Variants in MUC7 observed in about 807,000 individuals in gnomAD.
The protein encoded by MUC7 is mucin 7, secreted.
MUC7 carries 2 observed loss-of-function variants against 2.5 expected under a neutral mutation model. The observed-to-expected ratio is 0.81, with a 90% CI of 0.33 to 2.55. MUC7 has a LOEUF of 2.55. MUC7 is among the 30% of genes most tolerant of loss of function. The probability of loss-of-function intolerance (pLI) is 0.11; values close to 1 mark genes in which losing one functional copy is unlikely to be tolerated. For synonymous variants in MUC7, 133 were observed against 173.4 expected (o/e 0.77, Z 1.83); for missense variants, 408 against 455.6 (o/e 0.90, Z 0.95).
At chr4:70,462,218 A>G (rs979323299) in intron 1 of MUC7, among the ~76,000 whole-genome samples, 5 of 22,814 alleles carry the variant, frequency 2.2e-4, no homozygotes, top group African/African-American at 6.3e-4. Flanking sequence ...TCTTAAAAAA[A>G]AAGAAAGAGA....
At chr4:70,469,160 G>T (rs1390338131), upstream of MUC7, among the ~76,000 whole-genome samples, 1 of 152,302 alleles carries the variant, frequency 6.6e-6, no homozygotes, top group Non-Finnish European at 1.5e-5. Flanking sequence ...ATGGCAAAAG[G>T]ATTCCCTATG....
intron 2 of MUC7, among the ~76,000 whole-genome samples, chr4:70,480,385 G>A (rs1286533953): frequency 6.6e-6 from 1 of 152,136 alleles, no homozygotes; most frequent in Admixed American, 6.5e-5. Flanking sequence ...ATCTAGAAAG[G>A]GCTCCTGGAT....
intron 2 of MUC7, among the ~76,000 whole-genome samples, chr4:70,478,384 G>A (rs1735067948): frequency 6.6e-6 from 1 of 152,198 alleles, no homozygotes; most frequent in Non-Finnish European, 1.5e-5. Flanking sequence ...GAATCAAAGA[G>A]GGGCCTTCGT....
chr4:70,437,601 G>A (rs1041216399), intron 1 of MUC7, among the ~76,000 whole-genome samples: 1 of 152,188 alleles, frequency 6.6e-6, no homozygotes, highest in Non-Finnish European at 1.5e-5. Flanking sequence ...GTGCAGGAGT[G>A]TACTGTTCCT....
At chr4:70,457,603 G>A (rs6823679) in intron 1 of MUC7, among the ~76,000 whole-genome samples, 14,110 of 151,740 alleles carry the variant, frequency 0.093, 851 homozygotes, top group African/African-American at 0.16. Flanking sequence ...AAAGAGAAGA[G>A]GAACCCAAAT....
At chr4:70,460,276 G>T (rs1403284802) in intron 1 of MUC7, among the ~76,000 whole-genome samples, 1 of 152,074 alleles carries the variant, frequency 6.6e-6, no homozygotes, top group Non-Finnish European at 1.5e-5. Flanking sequence ...AATTATCAAA[G>T]CTCAGAATGG....
intron 1 of MUC7, among the ~76,000 whole-genome samples, chr4:70,450,531 C>T (rs1734254639): frequency 6.6e-6 from 1 of 152,128 alleles, no homozygotes; most frequent in South Asian, 2.1e-4. Flanking sequence ...GCCTGATAGC[C>T]ACCACAGCAG....
chr4:70,471,503 T>C (rs1014380927), upstream of MUC7, among the ~76,000 whole-genome samples: 10 of 152,280 alleles, frequency 6.6e-5, no homozygotes, highest in African/African-American at 1.7e-4. Context: ...TAGAGAGAAA[T>C]GCTGAAATAG....
rs148815649 is a variant in MUC7, at chr4:70,482,298, G to A, written c.*420G>A. On this transcript the variant is annotated 3_prime_UTR_variant, in exon 3 of 3. Transcript: ENST00000304887. ...AAAGGGGTAAAATTGGAACTCTCCA[G>A]ATGAACAAAGACATCTAAATATCTG... is the stretch of plus-strand genomic sequence containing the variant. 1.6e-4 allele frequency: 26 copies of A among 167,226 alleles called. No homozygotes were observed. In the East Asian group the frequency reaches 4.1e-3, roughly 26 times the overall value. 10.4% of individuals were successfully genotyped at this position (167,226 alleles called of 1,614,324 possible).
At chr4:70,448,120 C>A (rs1734190299) in intron 1 of MUC7, among the ~76,000 whole-genome samples, 1 of 152,166 alleles carries the variant, frequency 6.6e-6, no homozygotes. Flanking sequence ...ATGACAGGTT[C>A]TCATTCTTTT....
chr4:70,475,612 C>T (rs1734975962), intron 2 of MUC7, among the ~76,000 whole-genome samples: 1 of 152,178 alleles, frequency 6.6e-6, no homozygotes, highest in Admixed American at 6.5e-5. Context: ...TTAGGGTGTA[C>T]TGGCAAAGGA....
At chr4:70,432,485 C>A (rs1170803709) in intron 1 of MUC7, among the ~76,000 whole-genome samples, 3 of 152,196 alleles carry the variant, frequency 2.0e-5, no homozygotes. Context: ...ATTTGCATTT[C>A]TCTGATGGCC....
At chr4:70,440,988 T>G (rs1430741848) in intron 1 of MUC7, among the ~76,000 whole-genome samples, 1 of 152,022 alleles carries the variant, frequency 6.6e-6, no homozygotes, top group Admixed American at 6.6e-5. Flanking sequence ...CAGAAAAAAA[T>G]TATTAATATA....
intron 1 of MUC7, among the ~76,000 whole-genome samples, chr4:70,433,512 C>T (rs905326856): frequency 1.3e-5 from 2 of 152,200 alleles, no homozygotes; most frequent in South Asian, 2.1e-4. Context: ...GGAGTTCACT[C>T]ATGATTTTCT....
chr4:70,441,582 A>T (rs1457472504), intron 1 of MUC7, among the ~76,000 whole-genome samples: 1 of 152,222 alleles, frequency 6.6e-6, no homozygotes, highest in East Asian at 1.9e-4. Flanking sequence ...AAAAATGGTT[A>T]ATCCCTTAGC....
intron 1 of MUC7, among the ~76,000 whole-genome samples, chr4:70,433,435 A>C (rs772567568): frequency 2.0e-5 from 3 of 152,198 alleles, no homozygotes; most frequent in Non-Finnish European, 2.9e-5. Context: ...CTCCTTGAAG[A>C]GATCCTTCAC....
chr4:70,467,044 A>G (rs1008587577), intron 1 of MUC7, among the ~76,000 whole-genome samples: 1 of 152,230 alleles, frequency 6.6e-6, no homozygotes, highest in African/African-American at 2.4e-5. Flanking sequence ...AAGAATGGAA[A>G]TCATAACAAA....
intron 1 of MUC7, among the ~76,000 whole-genome samples, chr4:70,434,151 A>G (rs1181092716): frequency 2.0e-5 from 3 of 152,160 alleles, no homozygotes; most frequent in African/African-American, 7.2e-5. Flanking sequence ...TTTTGCATCA[A>G]TGTTCATTAG....
Position 70,455,536 on chromosome 4 carries a change from C to T in MUC7, c.-92-16679C>T, listed in dbSNP as rs541178870. On this transcript the variant is annotated intron_variant, in intron 1 of 3. Coordinates refer to the MUC7 transcript ENST00000413702. ...CTGGTTTGTGAGTTTATATGCATTTCAGTGTGAGCTGTTGAGTGCCTTATG... is the reference window on the plus strand; with the variant it reads ...CTGGTTTGTGAGTTTATATGCATTTTAGTGTGAGCTGTTGAGTGCCTTATG... Among the ~76,000 whole-genome samples the T allele has an allele frequency of 2.1e-3, 325 of 152,264 alleles. 1 individual carries two copies. Among genetic ancestry groups the T allele is most frequent in the African/African-American group, 7.1e-3 (293 of 41,552 alleles).
Sources: allele counts gnomAD v4.1 joint callset (sites outside exome capture counted in the v4.1 genomes callset), GRCh38; gene constraint gnomAD v4.1.1; transcripts MANE v1.5; gene names NCBI Gene and HGNC (gene_info 2026-07-23, HGNC 2026-07-21).